The following KIAA1671 variants were observed in gnomAD, a reference collection of about 807,000 sequenced individuals.
KIAA1671 encodes KIAA1671.
In KIAA1671, 52 loss-of-function variants were observed where a neutral mutation model predicts 131.2. That is an observed-to-expected ratio of 0.40 (90% confidence interval 0.32 to 0.50). KIAA1671 has a LOEUF of 0.50. Among genes scored for constraint, KIAA1671 ranks in the 20% least tolerant of loss-of-function variants. The pLI is 0.73. For missense variants in KIAA1671, 2,360 were observed against 2,364.2 expected (o/e 1.00, Z 0.04); for synonymous variants, 1,003 against 961.6 (o/e 1.04, Z -0.80).
intron 6 of KIAA1671, among the ~76,000 whole-genome samples, chr22:25,097,210 G>A (rs1351184546): frequency 2.6e-5 from 4 of 152,152 alleles, no homozygotes; most frequent in Admixed American, 2.0e-4. Context: ...CAAAGTATTT[G>A]TAGCATTTTG....
At chr22:25,189,786 CTTT>C in intron 11 of KIAA1671, among the ~76,000 whole-genome samples, 1 of 133,612 alleles carries the variant, frequency 7.5e-6, no homozygotes, top group South Asian at 2.4e-4. Context: ...TGTTTGTTTG[CTTT>C]TTGTGGAGAA....
intron 6 of KIAA1671, among the ~76,000 whole-genome samples, chr22:25,158,483 G>A (rs534481144): frequency 2.0e-5 from 3 of 152,260 alleles, no homozygotes; most frequent in Non-Finnish European, 2.9e-5. Flanking sequence ...GTTCTATGGG[G>A]GTCCTAAGAA....
chr22:25,085,360 C>T (rs1003447145), intron 6 of KIAA1671, among the ~76,000 whole-genome samples: 1 of 152,182 alleles, frequency 6.6e-6, no homozygotes, highest in Non-Finnish European at 1.5e-5. Context: ...GTGGGCCGAT[C>T]TTTTTCTCTT....
At chr22:25,100,906 T>C (rs577031856) in intron 6 of KIAA1671, among the ~76,000 whole-genome samples, 2 of 152,292 alleles carry the variant, frequency 1.3e-5, no homozygotes, top group East Asian at 1.9e-4. Context: ...TTTCAATCTT[T>C]TATGATACTC....
intron 6 of KIAA1671, among the ~76,000 whole-genome samples, chr22:25,149,932 C>T (rs1932979461): frequency 6.6e-6 from 1 of 152,216 alleles, no homozygotes; most frequent in African/African-American, 2.4e-5. Context: ...ACCCCCTCCC[C>T]ATGCCCTTCG....
intron 6 of KIAA1671, chr22:25,050,956 C>T (rs1160602117): frequency 6.6e-6 from 1 of 152,152 alleles, no homozygotes; most frequent in African/African-American, 2.4e-5. Flanking sequence ...GCATTTTAAA[C>T]CTGTCTTTTT....
chr22:25,032,161 G>A (rs924880796), intron 3 of KIAA1671, among the ~76,000 whole-genome samples: 2 of 152,224 alleles, frequency 1.3e-5, no homozygotes, highest in African/African-American at 2.4e-5. Context: ...AGGTGGGGCT[G>A]CTGTTTTACC....
chr22:25,132,829 C>G (rs1453153485), intron 6 of KIAA1671, among the ~76,000 whole-genome samples: 1 of 152,094 alleles, frequency 6.6e-6, no homozygotes, highest in Non-Finnish European at 1.5e-5. Context: ...CCAAGGCAGG[C>G]AGATCACCTG....
chr22:25,106,126 G>A (rs1314706222), intron 6 of KIAA1671, among the ~76,000 whole-genome samples: 1 of 152,162 alleles, frequency 6.6e-6, no homozygotes, highest in Non-Finnish European at 1.5e-5. Context: ...TTGAGGGAAA[G>A]CTCTCAAGCG....
At chr22:25,074,715 ATCTGTCTGTCTG>A (rs372322029) in intron 6 of KIAA1671, among the ~76,000 whole-genome samples, 2 of 151,982 alleles carry the variant, frequency 1.3e-5, no homozygotes, top group African/African-American at 4.8e-5. Context: ...TTTATCATCT[ATCTGTCTGTCTG>A]TCTGTCCAAC....
At chr22:25,006,472 G>A (rs1264676930) in intron 1 of KIAA1671, among the ~76,000 whole-genome samples, 4 of 152,122 alleles carry the variant, frequency 2.6e-5, no homozygotes, top group Non-Finnish European at 4.4e-5. Context: ...TGGTCGCCTG[G>A]GGGGCGACCG....
chr22:25,012,800 G>A (rs1318110991), intron 1 of KIAA1671: 1 of 152,230 alleles, frequency 6.6e-6, no homozygotes, highest in Non-Finnish European at 1.5e-5. Flanking sequence ...AGGTGTTAAA[G>A]TCATAGTGGC....
At chr22:25,025,242 A>T (rs1225788653) in intron 1 of KIAA1671, among the ~76,000 whole-genome samples, 1 of 136,858 alleles carries the variant, frequency 7.3e-6, no homozygotes, top group African/African-American at 2.7e-5. Context: ...AATTCTAGGC[A>T]ATCAGTCCTA....
intron 1 of KIAA1671, among the ~76,000 whole-genome samples, chr22:24,984,209 G>T (rs1923391344): frequency 6.6e-6 from 1 of 152,112 alleles, no homozygotes; most frequent in Admixed American, 6.5e-5. Flanking sequence ...TGCCTTAAGG[G>T]TTACCCCCAA....
chr22:25,077,793 A>T (rs1019447418), intron 6 of KIAA1671, among the ~76,000 whole-genome samples: 1 of 152,320 alleles, frequency 6.6e-6, no homozygotes, highest in East Asian at 1.9e-4. Flanking sequence ...AATGGAAAAA[A>T]TCTAAATGTG....
chr22:25,032,166 T>C (rs1249381864), intron 3 of KIAA1671, among the ~76,000 whole-genome samples: 2 of 152,194 alleles, frequency 1.3e-5, no homozygotes, highest in Non-Finnish European at 2.9e-5. Flanking sequence ...GGGCTGCTGT[T>C]TTACCTGGCA....
intron 6 of KIAA1671, among the ~76,000 whole-genome samples, chr22:25,078,295 C>T (rs534671828): frequency 5.7e-4 from 86 of 152,104 alleles, no homozygotes; most frequent in Non-Finnish European, 1.1e-3. Context: ...GAGATCAAAG[C>T]GGGAGGATTG....
chr22:24,964,087 G>C (rs1922164275), intron 1 of KIAA1671, among the ~76,000 whole-genome samples: 1 of 152,176 alleles, frequency 6.6e-6, no homozygotes. Context: ...CCAGCACTTT[G>C]GGAGGCCAAG....
intron 4 of KIAA1671, among the ~76,000 whole-genome samples, chr22:25,033,514 C>T (rs762813008): frequency 4.7e-5 from 7 of 150,130 alleles, no homozygotes; most frequent in Non-Finnish European, 8.8e-5. Context: ...CTAGCGAAAA[C>T]CGGTTTGTGG....
Sources: gnomAD v4.1 joint callset for allele counts (sites outside exome capture counted in the v4.1 genomes callset) on GRCh38, gnomAD v4.1.1 for gene constraint, MANE v1.5 for transcripts, NCBI Gene and HGNC (gene_info 2026-07-23, HGNC 2026-07-21) for gene names.